Variants in R3HDM2 observed in about 807,000 individuals in gnomAD.
R3HDM2 encodes the protein R3H domain-containing protein 2.
Under a neutral mutation model 124.5 loss-of-function variants are expected in R3HDM2, and 38 were observed. The ratio of observed to expected loss-of-function variants is 0.31; its 90% CI spans 0.24 to 0.40. R3HDM2 has a LOEUF of 0.40. Among genes scored for constraint, R3HDM2 ranks in the 10% least tolerant of loss-of-function variants. The probability of loss-of-function intolerance (pLI) is 1.00; values close to 1 mark genes in which losing one functional copy is unlikely to be tolerated. For missense variants in R3HDM2, 869 were observed against 1,236.9 expected (o/e 0.70, Z 4.46); for synonymous variants, 391 against 448.0 (o/e 0.87, Z 1.61).
intron 1 of R3HDM2, among the ~76,000 whole-genome samples, chr12:57,423,071 A>G (rs1287679340): frequency 6.6e-6 from 1 of 152,206 alleles, no homozygotes; most frequent in Non-Finnish European, 1.5e-5. Flanking sequence ...TATTTGAAGA[A>G]GGAGAGGGGT....
In R3HDM2 at chr12:57,256,523, G is replaced by A. The variant is rs2039060729; in HGVS notation, c.2450-12C>T. ...GTAGCGCCCATCACCTAGGGAGTAA[G>A]AGCAATTGGTTTTCTGGGAGCTTAA... On this transcript the variant is annotated splice_polypyrimidine_tract_variant and intron_variant, in intron 21 of 23. Coordinates refer to ENST00000402412, the MANE Select transcript of R3HDM2 (RefSeq NM_001394031.1). The A allele has an allele frequency of 6.5e-7, 1 of 1,545,272 alleles. No individual in the cohort carries two copies. The highest frequency in any genetic ancestry group is 8.8e-7 in the Non-Finnish European group (1 of 1,141,584).
chr12:57,326,305 T>C (rs11172164), intron 2 of R3HDM2, among the ~76,000 whole-genome samples: 1 of 152,190 alleles, frequency 6.6e-6, no homozygotes, highest in African/African-American at 2.4e-5. Context: ...TTATGCTTCG[T>C]GAGGAAGGCA....
At chr12:57,273,733 A>C (rs911098090) in intron 14 of R3HDM2, among the ~76,000 whole-genome samples, 3 of 152,172 alleles carry the variant, frequency 2.0e-5, no homozygotes, top group African/African-American at 7.2e-5. Context: ...AGAATTATCC[A>C]AGCACCTGCC....
chr12:57,420,556 T>A (rs2070097939), intron 1 of R3HDM2, among the ~76,000 whole-genome samples: 1 of 151,410 alleles, frequency 6.6e-6, no homozygotes, highest in South Asian at 2.1e-4. Flanking sequence ...TGAGGTCTCA[T>A]TATATTGCCC....
intron 2 of R3HDM2, among the ~76,000 whole-genome samples, chr12:57,358,875 G>C (rs943275959): frequency 6.6e-6 from 1 of 151,544 alleles, no homozygotes; most frequent in Non-Finnish European, 1.5e-5. Flanking sequence ...TCAGCACCCC[G>C]AGTAGCTGAG....
intron 2 of R3HDM2, among the ~76,000 whole-genome samples, chr12:57,343,093 T>C (rs1473944032): frequency 2.0e-5 from 3 of 151,826 alleles, no homozygotes; most frequent in East Asian, 1.9e-4. Context: ...AATAAAGAAA[T>C]TGGTACAAAG....
intron 1 of R3HDM2, chr12:57,430,494 CGCACCGCCG>C (rs2139792502): frequency 4.1e-5 from 39 of 940,850 alleles, no homozygotes; most frequent in South Asian, 9.8e-5. Flanking sequence ...CCCCTGCCCC[CGCACCGCCG>C]CCCTCCGCCC....
chr12:57,266,285 G>A (rs2042389733), intron 19 of R3HDM2, among the ~76,000 whole-genome samples: 1 of 151,764 alleles, frequency 6.6e-6, no homozygotes, highest in African/African-American at 2.4e-5. Context: ...TAGTAGAGAT[G>A]GGGTTTTACC....
chr12:57,382,562 A>AG (rs2065062524), intron 2 of R3HDM2, among the ~76,000 whole-genome samples: 1 of 148,826 alleles, frequency 6.7e-6, no homozygotes, highest in Non-Finnish European at 1.5e-5. Flanking sequence ...AAAAAAAAAA[A>AG]GGGCTGGCTC....
chr12:57,324,421 G>T (rs1391202552), intron 2 of R3HDM2, among the ~76,000 whole-genome samples: 1 of 152,152 alleles, frequency 6.6e-6, no homozygotes, highest in Non-Finnish European at 1.5e-5. Flanking sequence ...GACCTCAGGT[G>T]ATCCATCTGC....
chr12:57,293,961 G>A (rs530245274), intron 10 of R3HDM2, among the ~76,000 whole-genome samples: 16 of 152,288 alleles, frequency 1.1e-4, no homozygotes, highest in African/African-American at 3.8e-4. Context: ...AAAGTAGAAA[G>A]AACATAATGG....
intron 2 of R3HDM2, among the ~76,000 whole-genome samples, chr12:57,382,058 T>C (rs2064969159): frequency 6.6e-6 from 1 of 151,812 alleles, no homozygotes; most frequent in Non-Finnish European, 1.5e-5. Context: ...TGGATTCAAG[T>C]GATCCTCCCA....
At chr12:57,256,596 C>A in intron 21 of R3HDM2, 85 bp from the exon 22 acceptor site, 1 of 948,848 alleles carries the variant, frequency 1.1e-6, no homozygotes, top group South Asian at 1.7e-5. Flanking sequence ...TTGGAGACAG[C>A]AACAATGCAT....
chr12:57,272,766 T>C (rs1267507207), intron 14 of R3HDM2, among the ~76,000 whole-genome samples: 2 of 152,144 alleles, frequency 1.3e-5, no homozygotes, highest in Non-Finnish European at 2.9e-5. Context: ...TAACATCTCT[T>C]TGACAAACAG....
Position 57,269,405 on chromosome 12 carries a change from G to C in R3HDM2, c.1632C>G (p.Asn544Lys). 6.2e-7 allele frequency: 1 copy of C among 1,614,184 alleles called. No individual in the cohort carries two copies. Among genetic ancestry groups the C allele is most frequent in the South Asian group, 1.1e-5 (1 of 91,086 alleles). ...YYPPGQYPNSNQQYRPLSHPV... is the reference protein window; with the variant it reads ...YYPPGQYPNSKQQYRPLSHPV... ...GGTGAGAGAGAGGTCGATATTGCTGGTTGGAGTTAGGATATTGTCCAGGGG... is the reference window on the plus strand; with the variant it reads ...GGTGAGAGAGAGGTCGATATTGCTGCTTGGAGTTAGGATATTGTCCAGGGG... The change falls in exon 16 of 24, where the codon AAC becomes AAG. Residue 544 changes from asparagine to lysine, a missense_variant. Physicochemically the swap from Asn to Lys is moderately conservative, Grantham distance 94. Around this residue, in one of 2 missense-constraint regions of R3HDM2, gnomAD observed 602 missense variants for 789.2 expected, o/e 0.76. Transcript: ENST00000402412.
chr12:57,284,754 C>A (rs971099709), intron 12 of R3HDM2, among the ~76,000 whole-genome samples: 4 of 152,160 alleles, frequency 2.6e-5, no homozygotes, highest in African/African-American at 7.2e-5. Flanking sequence ...CTCAGGATGG[C>A]GAAGAGCAGG....
intron 12 of R3HDM2, among the ~76,000 whole-genome samples, chr12:57,285,435 G>A (rs1477733344): frequency 1.5e-5 from 2 of 136,370 alleles, no homozygotes; most frequent in Non-Finnish European, 3.3e-5. Context: ...CCAAGACTGA[G>A]AGAGAGAGAG....
intron 2 of R3HDM2, among the ~76,000 whole-genome samples, chr12:57,360,005 A>AT (rs1491167603): frequency 2.0e-3 from 212 of 107,080 alleles, no homozygotes; most frequent in Non-Finnish European, 2.5e-3. Flanking sequence ...ATAAATAAAT[A>AT]AATATATATA....
At chr12:57,369,676 T>TTACC (rs1172586281) in intron 2 of R3HDM2, among the ~76,000 whole-genome samples, 1 of 152,164 alleles carries the variant, frequency 6.6e-6, no homozygotes, top group Non-Finnish European at 1.5e-5. Flanking sequence ...TCCTACACTA[T>TTACC]TACCCTATCA....
Sources: gnomAD v4.1 joint callset for allele counts (sites outside exome capture counted in the v4.1 genomes callset) on GRCh38, gnomAD v4.1.1 for gene constraint, gnomAD v4.1.1 regional missense constraint, MANE v1.5 for transcripts, NCBI Gene and HGNC (gene_info 2026-07-23, HGNC 2026-07-21) for gene names.